LYPLAL1: variants seen among roughly 807,000 people sequenced by gnomAD.
LYPLAL1 encodes the protein lysophospholipase like 1.
In LYPLAL1, 23 loss-of-function variants were observed where a neutral mutation model predicts 19.7. That is an observed-to-expected ratio of 1.17 (90% CI 0.84 to 1.65). The LOEUF is 1.65. Ranked by LOEUF, LYPLAL1 falls within the 40% of genes most tolerant of loss-of-function variation. The probability of loss-of-function intolerance (pLI) is 0.00; values close to 1 mark genes in which losing one functional copy is unlikely to be tolerated. For synonymous variants in LYPLAL1, 119 were observed against 96.3 expected (o/e 1.24, Z -1.38); for missense variants, 355 against 279.4 (o/e 1.27, Z -1.93).
intron 2 of LYPLAL1, among the ~76,000 whole-genome samples, chr1:219,192,665 A>G (rs937748642): frequency 4.0e-5 from 6 of 151,636 alleles, no homozygotes; most frequent in Admixed American, 1.3e-4. Context: ...ATCTACCAAC[A>G]TAATACTTGA....
At chr1:219,281,164 G>A in the LYPLAL1 span, among the ~76,000 whole-genome samples, 1 of 152,158 alleles carries the variant, frequency 6.6e-6, no homozygotes, top group Non-Finnish European at 1.5e-5. Flanking sequence ...ATTAGGATGG[G>A]CTTGGCAGTT....
intron 3 of LYPLAL1, among the ~76,000 whole-genome samples, chr1:219,201,651 C>T (rs371212617): frequency 2.2e-4 from 33 of 151,910 alleles, no homozygotes; most frequent in African/African-American, 7.0e-4. Context: ...TCTATAAAGC[C>T]TCTTTTTTCT....
At chr1:219,366,119 A>T in the LYPLAL1 span, among the ~76,000 whole-genome samples, 33 of 152,180 alleles carry the variant, frequency 2.2e-4, no homozygotes, top group African/African-American at 7.7e-4. Context: ...CTACCTAACG[A>T]TGTGAATAAT....
the LYPLAL1 span, among the ~76,000 whole-genome samples, chr1:219,371,231 A>G: frequency 6.6e-6 from 1 of 152,186 alleles, no homozygotes; most frequent in Admixed American, 6.5e-5. Flanking sequence ...CACTAAAAAG[A>G]GGCAGGATGC....
the LYPLAL1 span, among the ~76,000 whole-genome samples, chr1:219,289,969 A>C: frequency 6.6e-6 from 1 of 152,132 alleles, no homozygotes; most frequent in African/African-American, 2.4e-5. Flanking sequence ...AATCCTACTG[A>C]TCCACAATCC....
At chr1:219,310,242 G>A in the LYPLAL1 span, among the ~76,000 whole-genome samples, 8 of 152,232 alleles carry the variant, frequency 5.3e-5, no homozygotes, top group African/African-American at 1.4e-4. Flanking sequence ...TGTTTTCAAG[G>A]TACAAAAACA....
At chr1:219,230,832 A>G in the LYPLAL1 span, among the ~76,000 whole-genome samples, 21 of 152,160 alleles carry the variant, frequency 1.4e-4, no homozygotes, top group Non-Finnish European at 7.3e-5. Flanking sequence ...AGTTGTTTTT[A>G]CTAGCCACCG....
chr1:219,211,528 T>C lies in LYPLAL1; in HGVS notation c.514T>C (p.Phe172Leu), dbSNP rs1329106927. Residue 172 changes from phenylalanine (F) to leucine (L), a missense_variant, in exon 5 of 5, where the codon TTT becomes CTT. Coordinates refer to ENST00000366928, the MANE Select transcript of LYPLAL1 (RefSeq NM_138794.5). ...QKSNGVLPEL[F>L]QCHGTADELV... ...GAGTAATGGTGTACTTCCTGAATTATTTCAGTGTCATGGTACTGCAGATGA... is the reference window on the plus strand; with the variant it reads ...GAGTAATGGTGTACTTCCTGAATTACTTCAGTGTCATGGTACTGCAGATGA... 11 of 1,612,684 alleles carry C rather than the reference T, an allele frequency of 6.8e-6. No homozygotes were observed. Among genetic ancestry groups the C allele is most frequent in the Non-Finnish European group, 9.3e-6 (11 of 1,179,030 alleles).
chr1:219,435,605 T>C, the LYPLAL1 span, among the ~76,000 whole-genome samples: 1 of 152,080 alleles, frequency 6.6e-6, no homozygotes, highest in East Asian at 1.9e-4. Flanking sequence ...GGCAGGCGGA[T>C]CACGAGGTCA....
the LYPLAL1 span, among the ~76,000 whole-genome samples, chr1:219,251,563 G>A: frequency 6.6e-6 from 1 of 151,704 alleles, no homozygotes; most frequent in Admixed American, 6.6e-5. Flanking sequence ...TTTTTTGTCA[G>A]CTTTGTCAAA....
chr1:219,178,628 CAT>C (rs961152245), intron 1 of LYPLAL1, among the ~76,000 whole-genome samples: 3 of 151,920 alleles, frequency 2.0e-5, no homozygotes, highest in Admixed American at 1.3e-4. Flanking sequence ...GTCATGTAAA[CAT>C]GTTGTCAAAA....
chr1:219,246,721 G>A, the LYPLAL1 span, among the ~76,000 whole-genome samples: 1 of 152,212 alleles, frequency 6.6e-6, no homozygotes, highest in South Asian at 2.1e-4. Flanking sequence ...TGAGTAGCTG[G>A]GACTACAGCA....
chr1:219,216,582 T>C (rs1659298314), downstream of LYPLAL1, among the ~76,000 whole-genome samples: 1 of 152,156 alleles, frequency 6.6e-6, no homozygotes, highest in African/African-American at 2.4e-5. Flanking sequence ...CACAAACTTC[T>C]CATCCTCATG....
the LYPLAL1 span, among the ~76,000 whole-genome samples, chr1:219,266,369 G>A: frequency 6.6e-6 from 1 of 152,084 alleles, no homozygotes; most frequent in Non-Finnish European, 1.5e-5. Context: ...CAATATCACT[G>A]TCTTCTGCTA....
At chr1:219,366,277 T>A in the LYPLAL1 span, among the ~76,000 whole-genome samples, 1,416 of 152,264 alleles carry the variant, frequency 9.3e-3, 7 homozygotes, top group Non-Finnish European at 0.013. Context: ...TTAAGAGAAA[T>A]AAGTCTAACA....
the LYPLAL1 span, among the ~76,000 whole-genome samples, chr1:219,364,087 G>A: frequency 6.6e-6 from 1 of 152,108 alleles, no homozygotes; most frequent in Non-Finnish European, 1.5e-5. Context: ...TGACCAGCTA[G>A]AACTATTAAT....
At chr1:219,331,027 T>C in the LYPLAL1 span, among the ~76,000 whole-genome samples, 19 of 152,338 alleles carry the variant, frequency 1.2e-4, no homozygotes, top group East Asian at 3.1e-3. Context: ...GTTTCTATCA[T>C]GTAAAGGTAT....
the LYPLAL1 span, among the ~76,000 whole-genome samples, chr1:219,286,826 G>C: frequency 6.6e-6 from 1 of 152,218 alleles, no homozygotes; most frequent in East Asian, 1.9e-4. Context: ...TGCAACTCAT[G>C]ATCTTGATTT....
the LYPLAL1 span, among the ~76,000 whole-genome samples, chr1:219,350,716 G>C: frequency 1.3e-5 from 2 of 152,152 alleles, no homozygotes; most frequent in East Asian, 3.9e-4. Flanking sequence ...AATAGACCAA[G>C]GGAAATGCTT....
Sources: allele counts gnomAD v4.1 joint callset (sites outside exome capture counted in the v4.1 genomes callset), GRCh38; gene constraint gnomAD v4.1.1; transcripts MANE v1.5; gene names NCBI Gene and HGNC (gene_info 2026-07-23, HGNC 2026-07-21).